Variants in KIF2C observed in about 807,000 individuals in gnomAD.
The protein encoded by KIF2C is kinesin family member 2C.
A neutral mutation model predicts 97.4 loss-of-function variants in KIF2C; 34 were observed. The ratio of observed to expected loss-of-function variants is 0.35; its 90% CI spans 0.27 to 0.46. KIF2C has a LOEUF of 0.46. Among genes scored for constraint, KIF2C ranks in the 20% least tolerant of loss-of-function variants. KIF2C has a pLI of 1.00. For synonymous variants in KIF2C, 313 were observed against 318.2 expected (o/e 0.98, Z 0.17); for missense variants, 750 against 907.6 (o/e 0.83, Z 2.23).
Position 44,762,458 on chromosome 1 carries a change from A to G in KIF2C, c.1857+7A>G. ...GGCGCTGATTCCAGGCAATGTAAGG[A>G]CCAGGATGCGGCCAAGCAAGACAGA... On this transcript the variant is annotated splice_region_variant and intron_variant, in intron 18 of 20. Coordinates refer to ENST00000372224, the MANE Select transcript of KIF2C (RefSeq NM_006845.4). 1.2e-6 allele frequency: 2 copies of G among 1,613,684 alleles called. No individual in the cohort carries two copies. Among genetic ancestry groups the G allele is most frequent in the African/African-American group, 1.3e-5 (1 of 75,022 alleles).
rs188031346 is a variant in KIF2C, at chr1:44,759,376, G to A, written c.1367+28G>A. The A allele has an allele frequency of 7.4e-6, 12 of 1,612,810 alleles. No homozygotes were observed. In the Admixed American group the frequency reaches 8.3e-5, roughly 11 times the overall value. On this transcript the variant is annotated intron_variant, in intron 14 of 20. Transcript: ENST00000372224. ...GAGAGTCCTGGTGAGGGGAAGGAGCGACCTTCTCATGTCTGGTTTATGAGT... is the reference window on the plus strand; with the variant it reads ...GAGAGTCCTGGTGAGGGGAAGGAGCAACCTTCTCATGTCTGGTTTATGAGT...
chr1:44,754,661 G>A, intron 7 of KIF2C, 89 bp from the exon 8 acceptor site: 3 of 816,992 alleles, frequency 3.7e-6, no homozygotes, highest in Non-Finnish European at 6.6e-6. Flanking sequence ...GAAGGGTGGT[G>A]AGCAAAGAGC....
chr1:44,747,452 C>T lies in KIF2C; in HGVS notation c.234C>T (p.Asp78=). Residue 78 remains aspartate, a synonymous_variant, in exon 3 of 21, where the codon GAC becomes GAT. Coordinates refer to ENST00000372224, the MANE Select transcript of KIF2C (RefSeq NM_006845.4). ...LLQLLPLHPK[D]NLPLQENVTI... is the part of the protein sequence containing the mutation. ...AGCTTCTTCCCTTACATCCGAAGGA[C>T]AATCTGCCCTTGCAGGAAAATGTAA... The T allele has an allele frequency of 6.2e-7, 1 of 1,609,584 alleles. No individual in the cohort carries two copies. The highest frequency in any genetic ancestry group is 1.3e-5 in the African/African-American group (1 of 74,680).
Position 44,761,143 on chromosome 1 carries a change from C to G in KIF2C, c.1683+441C>G, listed in dbSNP as rs561266171. 101 of 179,104 alleles carry G rather than the reference C, an allele frequency of 5.6e-4. 1 individual carries two copies. The highest frequency in any genetic ancestry group is 1.5e-3 in the Admixed American group (28 of 18,538). 11.1% of individuals were successfully genotyped at this position (179,104 alleles called of 1,614,324 possible). A position where few individuals can be genotyped will look rare whatever the true frequency, so the allele number is the denominator to read the frequency against. ...CCTCTTTCCTGTTTTATCCCCAAGC[C>G]CCTGTATGTGAGATCTGCCATCCTT... On this transcript the variant is annotated intron_variant, in intron 16 of 20. Coordinates refer to ENST00000372224, the MANE Select transcript of KIF2C (RefSeq NM_006845.4).
In KIF2C at chr1:44,742,622, G is replaced by T. The variant is rs1054604065; in HGVS notation, c.165+1615G>T. Among the ~76,000 whole-genome samples, 3 of 151,706 alleles carry T rather than the reference G, an allele frequency of 2.0e-5. 1 individual carries two copies. In the East Asian group the frequency reaches 5.8e-4, roughly 30 times the overall value. ...TAATCCCAGCTACTTGGGAAGCTGG[G>T]GCAGGAGGATCACATGAACCTGGGA... is the stretch of plus-strand genomic sequence containing the variant. On this transcript the variant is annotated intron_variant, in intron 2 of 20. Coordinates refer to ENST00000372224, the MANE Select transcript of KIF2C (RefSeq NM_006845.4).
chr1:44,767,676 A>C lies in KIF2C; in HGVS notation c.*497A>C. 1 of 161,024 alleles carries C rather than the reference A, an allele frequency of 6.2e-6. No individual in the cohort carries two copies. The highest frequency in any genetic ancestry group is 1.4e-5 in the Non-Finnish European group (1 of 72,594). 10.0% of individuals were successfully genotyped at this position (161,024 alleles called of 1,614,324 possible). ...ACTTTACTGTCTCCCTAGAGATCCT[A>C]GAGGATCCCTACTGTTTTCTGTTTT... On this transcript the variant is annotated 3_prime_UTR_variant, in exon 21 of 21. Coordinates refer to ENST00000372224, the MANE Select transcript of KIF2C (RefSeq NM_006845.4).
At chr1:44,766,794 A>G in intron 19 of KIF2C, 32 bp from the exon 20 acceptor site, 1 of 1,611,586 alleles carries the variant, frequency 6.2e-7, no homozygotes, top group Non-Finnish European at 8.5e-7. Flanking sequence ...CTAAATGGTT[A>G]TTGAACTGAC....
intron 4 of KIF2C, among the ~76,000 whole-genome samples, chr1:44,749,778 C>CTTT (rs767904733): frequency 6.7e-6 from 1 of 150,342 alleles, no homozygotes; most frequent in Non-Finnish European, 1.5e-5. Flanking sequence ...GTGTGAGACT[C>CTTT]TGTCTCTCAA....
At chr1:44,740,584 G>A (rs895595009) in intron 1 of KIF2C, among the ~76,000 whole-genome samples, 1 of 152,066 alleles carries the variant, frequency 6.6e-6, no homozygotes, top group African/African-American at 2.4e-5. Flanking sequence ...TTCATCTAAG[G>A]GTTGTGGGGA....
intron 13 of KIF2C, among the ~76,000 whole-genome samples, chr1:44,758,885 A>C (rs1649990040): frequency 6.6e-6 from 1 of 152,034 alleles, no homozygotes; most frequent in Admixed American, 6.6e-5. Context: ...TCAAAATAAT[A>C]ATAATAATAA....
intron 4 of KIF2C, among the ~76,000 whole-genome samples, chr1:44,748,336 C>T (rs976422333): frequency 2.6e-5 from 4 of 152,166 alleles, no homozygotes; most frequent in Non-Finnish European, 4.4e-5. Context: ...AATGATTCAG[C>T]TACCTCAGGG....
chr1:44,759,676 A>G (rs560176720), intron 14 of KIF2C, among the ~76,000 whole-genome samples: 1 of 152,306 alleles, frequency 6.6e-6, no homozygotes, highest in African/African-American at 2.4e-5. Flanking sequence ...TGGGCAGAGC[A>G]AGATCCTGTC....
In KIF2C at chr1:44,766,863, A is replaced by G; in HGVS notation, c.2009A>G (p.Glu670Gly). ...PDWLELSEMT[E>G]QPDYDLETFV... The stretch of plus-strand genomic sequence containing the variant: ...TGGCTTGAGCTCTCTGAGATGACCG[A>G]GCAGCCAGACTATGACCTGGAGACC... Residue 670 changes from glutamate (E) to glycine (G), a missense_variant, in exon 20 of 21, where the codon GAG becomes GGG. Glu to Gly is a moderately conservative substitution (Grantham distance 98). Coordinates refer to ENST00000372224, the MANE Select transcript of KIF2C (RefSeq NM_006845.4). 1 of 1,614,216 alleles carries G rather than the reference A, an allele frequency of 6.2e-7. No individual in the cohort carries two copies. Among genetic ancestry groups the G allele is most frequent in the South Asian group, 1.1e-5 (1 of 91,090 alleles).
Position 44,750,543 on chromosome 1 carries a change from C to T in KIF2C, c.418C>T (p.Arg140Cys), listed in dbSNP as rs1361700175. 1.9e-6 allele frequency: 3 copies of T among 1,583,434 alleles called. No individual in the cohort carries two copies. The African/African-American group carries it at 4.1e-5, about 21-fold the overall frequency. ...EVELPAAANS[R>C]KQFSVPPAPT... Reference sequence around the variant, plus strand: ...GGAGCTGCCTGCAGCTGCAAACTCCCGCAAGCAGTTTTCAGTTCCTCGTGA... The same window carrying T: ...GGAGCTGCCTGCAGCTGCAAACTCCTGCAAGCAGTTTTCAGTTCCTCGTGA... The change falls in exon 5 of 21, where the codon CGC becomes TGC. Residue 140 changes from arginine to cysteine, a missense_variant. Arg to Cys is a radical substitution (Grantham distance 180). Transcript: ENST00000372224.
At chr1:44,750,850 A>G (rs1649473750) in intron 5 of KIF2C, among the ~76,000 whole-genome samples, 1 of 152,228 alleles carries the variant, frequency 6.6e-6, no homozygotes, top group Non-Finnish European at 1.5e-5. Context: ...TGATCAGAGC[A>G]TTACCAGTAC....
Position 44,754,783 on chromosome 1 carries a change from G to A in KIF2C, c.697G>A (p.Ala233Thr), listed in dbSNP as rs1404564850. 6.2e-7 allele frequency: 1 copy of A among 1,613,528 alleles called. No homozygotes were observed. Among genetic ancestry groups the A allele is most frequent in the Middle Eastern group, 1.6e-4 (1 of 6,062 alleles). Residue 233 changes from alanine (A) to threonine (T), a missense_variant, in exon 8 of 21, where the codon GCC becomes ACC. Physicochemically the swap from Ala to Thr is moderately conservative, Grantham distance 58. Transcript: ENST00000372224. ...YDSSFPNWEF[A>T]RMIKEFRATL... ...CAGTAGTTTTCCAAACTGGGAATTT[G>A]CCCGAATGATTAAAGAATTTCGGGC...
chr1:44,746,381 A>G, intron 2 of KIF2C: 3 of 1,073,588 alleles, frequency 2.8e-6, no homozygotes, highest in Non-Finnish European at 3.4e-6. Flanking sequence ...GCAGGCATCA[A>G]CAGGAAATAG....
chr1:44,747,851 A>T, intron 4 of KIF2C, 151 bp downstream of exon 4: 2 of 692,978 alleles, frequency 2.9e-6, no homozygotes. Flanking sequence ...TATGAGAAAG[A>T]ATCCAATCTA....
intron 16 of KIF2C, among the ~76,000 whole-genome samples, chr1:44,761,516 G>A (rs1377105611): frequency 6.6e-6 from 1 of 152,026 alleles, no homozygotes; most frequent in Non-Finnish European, 1.5e-5. Flanking sequence ...GCTAAGGCAG[G>A]AGAATGGCGT....
Sources: gnomAD v4.1 joint callset for allele counts (sites outside exome capture counted in the v4.1 genomes callset) on GRCh38, gnomAD v4.1.1 for gene constraint, MANE v1.5 for transcripts, NCBI Gene and HGNC (gene_info 2026-07-23, HGNC 2026-07-21) for gene names.